ITGA11: variants seen among roughly 807,000 people sequenced by gnomAD.
ITGA11 encodes integrin alpha-11.
A neutral mutation model predicts 141.9 loss-of-function variants in ITGA11; 97 were observed. The ratio of observed to expected loss-of-function variants is 0.68; its 90% CI spans 0.58 to 0.81. The LOEUF (loss-of-function observed/expected upper bound fraction) is 0.81. Among genes scored for constraint, ITGA11 ranks in the 30% least tolerant of loss-of-function variants. ITGA11 has a pLI of 0.00. For missense variants in ITGA11, 1,387 were observed against 1,559.2 expected (o/e 0.89, Z 1.86); for synonymous variants, 658 against 624.6 (o/e 1.05, Z -0.80).
In ITGA11 at chr15:68,312,768, C is replaced by A; in HGVS notation, c.2973+5G>T. ...CCCCTCTACCCGGCTCCCCTCCAGC[C>A]TCACCCTGAAGATGCAGCTGAAGGG... On this transcript the variant is annotated splice_donor_5th_base_variant and intron_variant, in intron 24 of 29. Coordinates refer to ENST00000315757, the MANE Select transcript of ITGA11 (RefSeq NM_001004439.2). 6.2e-7 allele frequency: 1 copy of A among 1,608,888 alleles called. No homozygotes were observed. Among genetic ancestry groups the A allele is most frequent in the Non-Finnish European group, 8.5e-7 (1 of 1,175,742 alleles).
rs989774786 is a variant in ITGA11 at position 68,376,503 on chromosome 15, C to T, written c.165-7219G>A. Among the ~76,000 whole-genome samples the T allele has an allele frequency of 2.6e-5, 4 of 152,256 alleles. No homozygotes were observed. The East Asian group carries it at 7.7e-4, about 29-fold the overall frequency. ...GTCAGGTGGGCAGCCACAAATATCC[C>T]AGCACCCAGAACAGCATCTGGCACA... is the stretch of plus-strand genomic sequence containing the variant. On this transcript the variant is annotated intron_variant, in intron 2 of 29. Coordinates refer to ENST00000315757, the MANE Select transcript of ITGA11 (RefSeq NM_001004439.2).
intron 10 of ITGA11, among the ~76,000 whole-genome samples, chr15:68,345,026 A>G (rs1894700259): frequency 6.6e-6 from 1 of 151,888 alleles, no homozygotes; most frequent in African/African-American, 2.4e-5. Context: ...CTCAAGGCCC[A>G]TGGGATTACA....
At chr15:68,407,159 G>A (rs1415207215) in intron 1 of ITGA11, among the ~76,000 whole-genome samples, 2 of 152,150 alleles carry the variant, frequency 1.3e-5, no homozygotes, top group Non-Finnish European at 2.9e-5. Flanking sequence ...CGCAATGGGA[G>A]GGAAAGCCAG....
At chr15:68,422,964 T>C (rs1490081028) in intron 1 of ITGA11, among the ~76,000 whole-genome samples, 1 of 152,242 alleles carries the variant, frequency 6.6e-6, no homozygotes, top group Non-Finnish European at 1.5e-5. Context: ...TCTTCTCATC[T>C]TTTATCCCCC....
At chr15:68,364,919 G>T in intron 3 of ITGA11, 121 bp from the exon 4 acceptor site, 1 of 988,272 alleles carries the variant, frequency 1.0e-6, no homozygotes. Flanking sequence ...GGGACCTCTG[G>T]CTCTCAGGGT....
chr15:68,355,992 C>T (rs1482997761), intron 7 of ITGA11, among the ~76,000 whole-genome samples: 1 of 152,116 alleles, frequency 6.6e-6, no homozygotes, highest in Admixed American at 6.5e-5. Context: ...GGGGTGAGCA[C>T]AATGTTTTGA....
chr15:68,318,369 G>A (rs868508334), intron 20 of ITGA11, among the ~76,000 whole-genome samples: 2 of 152,184 alleles, frequency 1.3e-5, no homozygotes, highest in East Asian at 1.9e-4. Context: ...CTGGGCCAGG[G>A]AAGCAGGGGA....
rs1413137799 is a variant in ITGA11, at chr15:68,299,384, T to C, written c.*3675A>G. ...TGGCTGTCCTTTGAGAAGAACCTAG[T>C]TGATGTTAATATTAACATAAAGATA... On this transcript the variant is annotated 3_prime_UTR_variant, in exon 30 of 30. Coordinates refer to ENST00000315757, the MANE Select transcript of ITGA11 (RefSeq NM_001004439.2). 1 of 152,112 alleles carries C rather than the reference T, an allele frequency of 6.6e-6. No individual in the cohort carries two copies. The highest frequency in any genetic ancestry group is 1.5e-5 in the Non-Finnish European group (1 of 68,022). 9.4% of individuals were successfully genotyped at this position (152,112 alleles called of 1,614,324 possible).
At chr15:68,377,017 C>G (rs1249250607) in intron 2 of ITGA11, among the ~76,000 whole-genome samples, 2 of 152,184 alleles carry the variant, frequency 1.3e-5, no homozygotes, top group African/African-American at 4.8e-5. Flanking sequence ...AGCACTTCTA[C>G]CCTGGGAACT....
intron 5 of ITGA11, among the ~76,000 whole-genome samples, chr15:68,360,869 C>T (rs1895221484): frequency 6.6e-6 from 1 of 152,168 alleles, no homozygotes; most frequent in Non-Finnish European, 1.5e-5. Context: ...CTGACTCGGC[C>T]TTGTTGTCTG....
At chr15:68,315,456 G>T (rs116359433) in intron 22 of ITGA11, among the ~76,000 whole-genome samples, 195 bp downstream of exon 22, 2,118 of 152,294 alleles carry the variant, frequency 0.014, 53 homozygotes, top group African/African-American at 0.046. Flanking sequence ...GCAACACAGG[G>T]GGCAGCAGGT....
chr15:68,381,177 G>C (rs1009794703), intron 2 of ITGA11, among the ~76,000 whole-genome samples: 2 of 152,114 alleles, frequency 1.3e-5, no homozygotes, highest in Non-Finnish European at 2.9e-5. Flanking sequence ...TTGAAAATAG[G>C]GATTACCAGG....
At chr15:68,414,882 G>A (rs1246039801) in intron 1 of ITGA11, among the ~76,000 whole-genome samples, 1 of 152,196 alleles carries the variant, frequency 6.6e-6, no homozygotes, top group Admixed American at 6.5e-5. Flanking sequence ...CTGCCCTGCT[G>A]CTACAGTTGC....
Position 68,328,335 on chromosome 15 carries a change from C to T in ITGA11, c.1902-73G>A. ...GCCCTGCTGTGACCATGGGGAAAGA[C>T]AAGAACCAGATGCGAGTGGGATCTG... On this transcript the variant is annotated intron_variant, in intron 15 of 29. Coordinates refer to ENST00000315757, the MANE Select transcript of ITGA11 (RefSeq NM_001004439.2). This position sits in a 1 kb window ranked among gnomAD's most constrained non-coding sequence, Gnocchi z 4.8. 2.1e-6 allele frequency: 3 copies of T among 1,428,522 alleles called. No homozygotes were observed. The highest frequency in any genetic ancestry group is 1.9e-6 in the Non-Finnish European group (2 of 1,040,538). 88.5% of individuals were successfully genotyped at this position (1,428,522 alleles called of 1,614,324 possible). A position where few individuals can be genotyped will look rare whatever the true frequency, so the allele number is the denominator to read the frequency against.
rs539311062 is a variant in ITGA11 at position 68,305,092 on chromosome 15, G to C, written c.3382-1207C>G. On this transcript the variant is annotated intron_variant, in intron 28 of 29. Coordinates refer to ENST00000315757, the MANE Select transcript of ITGA11 (RefSeq NM_001004439.2). This position sits in a 1 kb window ranked among gnomAD's most constrained non-coding sequence, Gnocchi z 4.6. ...GGCCTGCAAGGCCCTCCCCTCTCGG[G>C]TCCCACCTGTCTTGCTGACCTCACC... Among the ~76,000 whole-genome samples, 1 of 152,330 alleles carries C rather than the reference G, an allele frequency of 6.6e-6. No individual in the cohort carries two copies. The highest frequency in any genetic ancestry group is 2.1e-4 in the South Asian group (1 of 4,828).
Position 68,402,907 on chromosome 15 carries a change from C to A in ITGA11, c.164+11G>T. The A allele has an allele frequency of 6.3e-7, 1 of 1,596,444 alleles. No homozygotes were observed. Among genetic ancestry groups the A allele is most frequent in the East Asian group, 2.2e-5 (1 of 44,680 alleles). On this transcript the variant is annotated intron_variant, in intron 2 of 29. Coordinates refer to ENST00000315757, the MANE Select transcript of ITGA11 (RefSeq NM_001004439.2). ...GTACAGGGCTGGGTGTGGGCGGCCG[C>A]TCTCACTCACCACTTATTGCCACTG...
At chr15:68,315,797 C>T in intron 21 of ITGA11, 70 bp from the exon 22 acceptor site, 1 of 1,264,328 alleles carries the variant, frequency 7.9e-7, no homozygotes, top group Non-Finnish European at 1.1e-6. Flanking sequence ...AGCCCACTCC[C>T]CACAGCCCCC....
chr15:68,364,885 C>A, intron 3 of ITGA11, 87 bp from the exon 4 acceptor site: 1 of 1,287,772 alleles, frequency 7.8e-7, no homozygotes, highest in Non-Finnish European at 1.1e-6. Flanking sequence ...ACCCGAGGTG[C>A]CTCCCCGATT....
rs764292180 is a variant in ITGA11 at position 68,317,277 on chromosome 15, C to T, written c.2703G>A (p.Arg901=). 3.7e-6 allele frequency: 6 copies of T among 1,613,458 alleles called. No individual in the cohort carries two copies. The highest frequency in any genetic ancestry group is 1.7e-6 in the Non-Finnish European group (2 of 1,179,416). The change falls in exon 21 of 30, where the codon CGG becomes CGA. Residue 901 remains arginine (R), a synonymous_variant. Transcript: ENST00000315757. The stretch of plus-strand genomic sequence containing the variant: ...CCCCAGTCTCAACCTTGGCCTTGGC[C>T]CGGAAGAAGGGATAGCTGACGTTGC... The part of the protein sequence containing the change: ...QVCNVSYPFF[R]AKAKVAFRLD...
Sources: gnomAD v4.1 joint callset for allele counts (sites outside exome capture counted in the v4.1 genomes callset) on GRCh38, gnomAD v4.1.1 for gene constraint, Gnocchi (gnomAD v3.1) non-coding constraint, MANE v1.5 for transcripts, NCBI Gene and HGNC (gene_info 2026-07-23, HGNC 2026-07-21) for gene names.